The following IQCE variants were observed in gnomAD, a reference collection of about 807,000 sequenced individuals.
IQCE encodes IQ motif containing E, also known as IQ domain-containing protein E.
Under a neutral mutation model 96.0 loss-of-function variants are expected in IQCE, and 115 were observed. The observed-to-expected ratio is 1.20, with a 90% CI of 1.03 to 1.40. IQCE has a LOEUF of 1.40. Among genes scored for constraint, IQCE ranks in the 40% most tolerant of loss-of-function variants. The pLI is 0.00. For synonymous variants in IQCE, 412 were observed against 371.2 expected, an observed-to-expected ratio of 1.11 and a Z score of -1.26; for missense variants, 1,041 against 909.1, an observed-to-expected ratio of 1.15 and a Z score of -1.87.
intron 6 of IQCE, among the ~76,000 whole-genome samples, chr7:2,574,376 C>T (rs927477405): frequency 6.6e-6 from 1 of 152,214 alleles, no homozygotes; most frequent in African/African-American, 2.4e-5. Flanking sequence ...TGGTGTAGAC[C>T]ATTATACAAA....
At chr7:2,597,909 C>A (rs1209449536) in intron 16 of IQCE, among the ~76,000 whole-genome samples, 1 of 152,154 alleles carries the variant, frequency 6.6e-6, no homozygotes, top group Non-Finnish European at 1.5e-5. Context: ...CTCAAGGGAT[C>A]CTCCCTGCTT....
In IQCE at chr7:2,610,210, T is replaced by C. The variant is rs149139502; in HGVS notation, c.*48T>C. 1.1e-5 allele frequency: 12 copies of C among 1,069,740 alleles called. No homozygotes were observed. The African/African-American group carries it at 1.9e-4, about 17-fold the overall frequency. 66.3% of individuals were successfully genotyped at this position (1,069,740 alleles called of 1,614,324 possible). A position where few individuals can be genotyped will look rare whatever the true frequency, so the allele number is the denominator to read the frequency against. On this transcript the variant is annotated 3_prime_UTR_variant, in exon 22 of 22. Coordinates refer to ENST00000402050, the MANE Select transcript of IQCE (RefSeq NM_152558.5). ...CGTGATGGCAGCGCTGCCGAGGACA[T>C]AGGAACCACGACTGGAAAGATAATT...
At chr7:2,577,824 G>C (rs12700085) in intron 6 of IQCE, among the ~76,000 whole-genome samples, 13,788 of 52,022 alleles carry the variant, frequency 0.27, 1,482 homozygotes, top group Non-Finnish European at 0.31. Flanking sequence ...GCGCGGGGAC[G>C]TGTGTGCGGC....
intron 1 of IQCE, 116 bp downstream of exon 1, chr7:2,559,333 C>T (rs967870326): frequency 2.9e-5 from 14 of 483,474 alleles, no homozygotes; most frequent in African/African-American, 1.6e-4. Flanking sequence ...GAGGACGGGG[C>T]GCACGGCCGG....
intron 1 of IQCE, chr7:2,559,448 G>A (rs551483401): frequency 9.3e-5 from 26 of 279,862 alleles, no homozygotes; most frequent in African/African-American, 5.6e-4. Flanking sequence ...CTTCCAGGAA[G>A]CTCTCCGGGA....
At chr7:2,578,927 C>T (rs1782433392) in intron 8 of IQCE, among the ~76,000 whole-genome samples, 1 of 152,006 alleles carries the variant, frequency 6.6e-6, no homozygotes, top group East Asian at 1.9e-4. Flanking sequence ...GGTATGGCAG[C>T]ATGCTCCTGT....
intron 1 of IQCE, among the ~76,000 whole-genome samples, chr7:2,562,787 G>A (rs541447929): frequency 1.6e-4 from 23 of 147,370 alleles, no homozygotes; most frequent in Non-Finnish European, 3.1e-4. Context: ...TTTGAGTTTA[G>A]TTTTCTATCT....
Position 2,594,924 on chromosome 7 carries a change from T to C in IQCE, c.1388T>C (p.Leu463Ser), listed in dbSNP as rs775369654. 1 of 1,614,042 alleles carries C rather than the reference T, an allele frequency of 6.2e-7. No homozygotes were observed. Among genetic ancestry groups the C allele is most frequent in the South Asian group, 1.1e-5 (1 of 91,070 alleles). ...IQTLTSKLQE[L>S]QEMKKEEKED... is the part of the protein sequence containing the mutation. ...ACACTTACCAGCAAGCTCCAAGAAT[T>C]GCAAGAAATGAAGAAAGAAGAGAAA... is the stretch of plus-strand genomic sequence containing the variant. The change falls in exon 16 of 22, where the codon TTG (leucine) becomes TCG (serine). Residue 463 changes from leucine to serine, a missense_variant. Transcript: ENST00000402050.
At chr7:2,605,124 C>T (rs1049288545) in intron 19 of IQCE, 133 bp downstream of exon 19, 2 of 643,282 alleles carry the variant, frequency 3.1e-6, no homozygotes, top group Admixed American at 5.2e-5. Flanking sequence ...CCCTGCGCTC[C>T]ATCCCTGGCC....
chr7:2,569,122 C>G (rs1299124304), intron 3 of IQCE, 123 bp downstream of exon 3: 1 of 892,740 alleles, frequency 1.1e-6, no homozygotes, highest in Non-Finnish European at 1.8e-6. Flanking sequence ...CAGTTGGCCC[C>G]ATTCCCACTG....
At chr7:2,579,561 G>A (rs766638081) in intron 8 of IQCE, among the ~76,000 whole-genome samples, 3 of 152,294 alleles carry the variant, frequency 2.0e-5, no homozygotes, top group Non-Finnish European at 2.9e-5. Context: ...TAGAAAGATT[G>A]TATAATCATT....
At chr7:2,588,086 G>T (rs369612558) in intron 13 of IQCE, among the ~76,000 whole-genome samples, 1 of 152,234 alleles carries the variant, frequency 6.6e-6, no homozygotes, top group African/African-American at 2.4e-5. Flanking sequence ...GCTTCTGTGC[G>T]TGGCCGCAGG....
rs1784901917 is a variant in IQCE, at chr7:2,607,216, C to T, written c.1958C>T (p.Ala653Val). The T allele has an allele frequency of 6.2e-7, 1 of 1,613,796 alleles. No homozygotes were observed. The highest frequency in any genetic ancestry group is 1.3e-5 in the African/African-American group (1 of 74,918). ...GACGCCTCCTCCCCACCCTTCCTCGCAGCTCTTCCTGGTAATTTCATTCAT... is the reference window on the plus strand; with the variant it reads ...GACGCCTCCTCCCCACCCTTCCTCGTAGCTCTTCCTGGTAATTTCATTCAT... The part of the protein sequence containing the change: ...HGDASSPPFL[A>V]ALPDPSPSGP... The change falls in exon 21 of 22, where the codon GCA becomes GTA. Residue 653 changes from alanine to valine, a missense_variant. By Grantham distance (64) the Ala-to-Val change is moderately conservative. Coordinates refer to ENST00000402050, the MANE Select transcript of IQCE (RefSeq NM_152558.5).
intron 21 of IQCE, 135 bp downstream of exon 21, chr7:2,607,362 A>G: frequency 7.0e-7 from 1 of 1,424,444 alleles, no homozygotes; most frequent in South Asian, 1.5e-5. Context: ...GCTGCCTCTG[A>G]ACTAAGCGTC....
At chr7:2,594,462 T>C (rs534649701) in intron 15 of IQCE, among the ~76,000 whole-genome samples, 9 of 152,344 alleles carry the variant, frequency 5.9e-5, no homozygotes, top group African/African-American at 2.2e-4. Flanking sequence ...TGGTCAGTGG[T>C]CCCTGCTTAT....
rs1305622426 is a variant in IQCE at position 2,605,934 on chromosome 7, A to G, written c.1802A>G (p.Gln601Arg). Residue 601 changes from glutamine to arginine, a missense_variant, in exon 20 of 22, where the codon CAG becomes CGG. Physicochemically the swap from Gln to Arg is conservative, Grantham distance 43 (BLOSUM62 1). Transcript: ENST00000402050. ...PIAQATGSPVQEEAIVIIQSA... is the reference protein window; with the variant it reads ...PIAQATGSPVREEAIVIIQSA... ...GCCCAGGCCACGGGCAGCCCTGTGC[A>G]GGAGGAGGCCATCGTCATCATCCAG... 6.2e-7 allele frequency: 1 copy of G among 1,611,410 alleles called. No individual in the cohort carries two copies. The highest frequency in any genetic ancestry group is 8.5e-7 in the Non-Finnish European group (1 of 1,179,298).
intron 16 of IQCE, 83 bp from the exon 17 acceptor site, chr7:2,598,382 C>T (rs926346696): frequency 8.9e-6 from 12 of 1,343,200 alleles, no homozygotes; most frequent in African/African-American, 5.9e-5. Flanking sequence ...CGCACCATGC[C>T]GGGTAATATC....
intron 1 of IQCE, 111 bp downstream of exon 1, chr7:2,559,328 C>T (rs974582581): frequency 2.0e-6 from 1 of 495,524 alleles, no homozygotes. Context: ...GGCGTGAGGA[C>T]GGGGCGCACG....
chr7:2,572,342 G>C lies in IQCE; in HGVS notation c.394+16G>C. The C allele has an allele frequency of 6.2e-7, 1 of 1,612,576 alleles. No individual in the cohort carries two copies. Among genetic ancestry groups the C allele is most frequent in the Non-Finnish European group, 8.5e-7 (1 of 1,179,216 alleles). ...GCCAGCAACGGTGAGCATGCCGATG[G>C]TGGCGAGGCTGAGGCCAAGGAAGAG... On this transcript the variant is annotated intron_variant, in intron 5 of 21. Transcript: ENST00000402050.
Sources: gnomAD v4.1 joint callset for allele counts (sites outside exome capture counted in the v4.1 genomes callset) on GRCh38, gnomAD v4.1.1 for gene constraint, MANE v1.5 for transcripts, NCBI Gene and HGNC (gene_info 2026-07-23, HGNC 2026-07-21) for gene names.